Variants in KLF17 observed in about 807,000 individuals in gnomAD.
The protein encoded by KLF17 is KLF transcription factor 17, also known as Krueppel-like factor 17.
In KLF17, 31 loss-of-function variants were observed where a neutral mutation model predicts 34.2. The observed-to-expected ratio is 0.91, with a 90% CI of 0.68 to 1.22. The LOEUF is 1.22. Among genes scored for constraint, KLF17 ranks in the 50% most tolerant of loss-of-function variants. KLF17 has a pLI of 0.00. For synonymous variants in KLF17, 179 were observed against 186.7 expected (o/e 0.96, Z 0.34); for missense variants, 478 against 505.2 (o/e 0.95, Z 0.52).
the KLF17 span, among the ~76,000 whole-genome samples, chr1:44,096,401 T>A: frequency 8.8e-6 from 1 of 114,072 alleles, no homozygotes; most frequent in Non-Finnish European, 2.2e-5. Context: ...ATTATTTATT[T>A]TTCTTTTTTT....
At chr1:44,060,677 AGAACCCTAAAGAATGT>A in the KLF17 span, among the ~76,000 whole-genome samples, 6 of 152,258 alleles carry the variant, frequency 3.9e-5, no homozygotes, top group Admixed American at 3.9e-4. Context: ...TCAACCCTAA[AGAACCCTAAAGAATGT>A]GAACCCTAAA....
the KLF17 span, among the ~76,000 whole-genome samples, chr1:44,070,540 G>A: frequency 6.6e-6 from 1 of 150,478 alleles, no homozygotes. Context: ...TATTTTTTAT[G>A]GCTGAAAATC....
At chr1:44,084,306 C>T in the KLF17 span, among the ~76,000 whole-genome samples, 1 of 152,070 alleles carries the variant, frequency 6.6e-6, no homozygotes, top group African/African-American at 2.4e-5. Flanking sequence ...TTACACATTT[C>T]CCTATAATCG....
chr1:44,049,226 A>C, the KLF17 span, among the ~76,000 whole-genome samples: 1 of 152,174 alleles, frequency 6.6e-6, no homozygotes, highest in Non-Finnish European at 1.5e-5. Flanking sequence ...CCCTACCCTC[A>C]TCACCGCATC....
chr1:44,132,587 T>A (rs2088124658), intron 3 of KLF17, among the ~76,000 whole-genome samples: 1 of 152,194 alleles, frequency 6.6e-6, no homozygotes, highest in African/African-American at 2.4e-5. Context: ...TTCCAATGCC[T>A]TGGGTTTGCA....
chr1:44,077,645 GGGGCCTCAGCT>G, the KLF17 span, among the ~76,000 whole-genome samples: 1 of 152,248 alleles, frequency 6.6e-6, no homozygotes, highest in African/African-American at 2.4e-5. Context: ...ACTATTGTTT[GGGGCCTCAGCT>G]GGGGCAACTG....
At chr1:44,047,394 G>A in the KLF17 span, among the ~76,000 whole-genome samples, 1 of 152,180 alleles carries the variant, frequency 6.6e-6, no homozygotes, top group Non-Finnish European at 1.5e-5. Flanking sequence ...GGGTGGTGTG[G>A]TAGGGAGGGA....
At chr1:44,044,369 T>G in the KLF17 span, among the ~76,000 whole-genome samples, 1 of 152,148 alleles carries the variant, frequency 6.6e-6, no homozygotes, top group South Asian at 2.1e-4. Context: ...TTGAGGGACA[T>G]GGGGTTATTT....
the KLF17 span, among the ~76,000 whole-genome samples, chr1:44,074,153 C>A: frequency 1.3e-5 from 2 of 152,076 alleles, no homozygotes; most frequent in Non-Finnish European, 2.9e-5. Context: ...CCCCATCTGT[C>A]CAAGCAAACA....
chr1:44,122,193 C>T, intron 1 of KLF17: 2 of 1,598,978 alleles, frequency 1.3e-6, no homozygotes, highest in Non-Finnish European at 1.7e-6. Context: ...ACGGCCACGT[C>T]CTCTTCCTCT....
the KLF17 span, among the ~76,000 whole-genome samples, chr1:44,083,041 A>C: frequency 6.6e-6 from 1 of 151,150 alleles, no homozygotes; most frequent in Non-Finnish European, 1.5e-5. Flanking sequence ...TCGTGAGCTC[A>C]AACAATCCTC....
At chr1:44,110,619 T>G in the KLF17 span, 133,463 of 152,118 alleles carry the variant, frequency 0.88, 58,970 homozygotes, top group Non-Finnish European at 0.93. Context: ...ACTTGAACCC[T>G]GGAGGTGGAG....
chr1:44,083,511 C>A, the KLF17 span, among the ~76,000 whole-genome samples: 1 of 152,006 alleles, frequency 6.6e-6, no homozygotes, highest in Admixed American at 6.6e-5. Flanking sequence ...GAAATAGGCA[C>A]AAGAGCCAGG....
At chr1:44,117,605 C>G (rs938913867), upstream of KLF17, among the ~76,000 whole-genome samples, 1 of 152,032 alleles carries the variant, frequency 6.6e-6, no homozygotes, top group African/African-American at 2.4e-5. Context: ...AAGCGATTCT[C>G]CTGCCTCAGC....
chr1:44,051,221 G>T, the KLF17 span: 1 of 152,346 alleles, frequency 6.6e-6, no homozygotes, highest in Non-Finnish European at 1.5e-5. Context: ...GAAGCAGTCA[G>T]TGATGGAGGC....
At chr1:44,122,220 C>A in intron 1 of KLF17, 1 of 1,604,610 alleles carries the variant, frequency 6.2e-7, no homozygotes, top group Non-Finnish European at 8.5e-7. Flanking sequence ...GCCTCTGCCT[C>A]TTCCTGCAAC....
the KLF17 span, among the ~76,000 whole-genome samples, chr1:44,082,862 CT>C: frequency 6.6e-6 from 1 of 151,862 alleles, no homozygotes; most frequent in African/African-American, 2.4e-5. Context: ...GTGATAACTG[CT>C]TGGTAAAGCT....
chr1:44,130,823 GTC>G (rs1008272006), intron 3 of KLF17, 67 bp downstream of exon 3: 5 of 1,486,962 alleles, frequency 3.4e-6, no homozygotes, highest in Non-Finnish European at 4.6e-6. Flanking sequence ...TTGAGACGGA[GTC>G]TCACTCTGTC....
At chr1:44,118,232 A>G (rs2154311252), upstream of KLF17, among the ~76,000 whole-genome samples, 1 of 152,336 alleles carries the variant, frequency 6.6e-6, no homozygotes, top group East Asian at 1.9e-4. Context: ...ATGGAAATTG[A>G]CAGCAAGGAC....
Sources: gnomAD v4.1 joint callset for allele counts (sites outside exome capture counted in the v4.1 genomes callset) on GRCh38, gnomAD v4.1.1 for gene constraint, MANE v1.5 for transcripts, NCBI Gene and HGNC (gene_info 2026-07-23, HGNC 2026-07-21) for gene names.